RAB11FIP4: variants seen among roughly 807,000 people sequenced by gnomAD.
RAB11FIP4 encodes rab11 family-interacting protein 4.
In RAB11FIP4, 23 loss-of-function variants were observed where a neutral mutation model predicts 74.3. The ratio of observed to expected loss-of-function variants is 0.31; its 90% CI spans 0.22 to 0.44. RAB11FIP4 has a LOEUF of 0.44. RAB11FIP4 is among the 20% of genes least tolerant of loss of function. The pLI is 1.00. For synonymous variants in RAB11FIP4, 360 were observed against 359.9 expected (o/e 1.00, Z 0.00); for missense variants, 630 against 863.9 (o/e 0.73, Z 3.39).
chr17:31,455,055 T>C (rs2071566234), intron 3 of RAB11FIP4, among the ~76,000 whole-genome samples: 1 of 152,206 alleles, frequency 6.6e-6, no homozygotes, highest in African/African-American at 2.4e-5. Flanking sequence ...TACCCTTTTA[T>C]GTTATGTCTG....
chr17:31,479,561 A>G (rs1370432880), intron 3 of RAB11FIP4, among the ~76,000 whole-genome samples: 2 of 152,240 alleles, frequency 1.3e-5, no homozygotes, highest in Admixed American at 6.5e-5. Flanking sequence ...CAGGAGGCCA[A>G]TCCTGACAAT....
chr17:31,419,234 T>C (rs1251366742), intron 1 of RAB11FIP4, among the ~76,000 whole-genome samples: 1 of 152,004 alleles, frequency 6.6e-6, no homozygotes, highest in East Asian at 1.9e-4. Context: ...TTCTCTAAGA[T>C]AAGGAAGGAT....
At chr17:31,492,021 G>C (rs2072018966) in intron 3 of RAB11FIP4, among the ~76,000 whole-genome samples, 1 of 152,194 alleles carries the variant, frequency 6.6e-6, no homozygotes, top group Non-Finnish European at 1.5e-5. Flanking sequence ...CTGTGTCTCT[G>C]ACAGCTGCCT....
chr17:31,410,576 T>C (rs934761697), intron 1 of RAB11FIP4, among the ~76,000 whole-genome samples: 14 of 151,650 alleles, frequency 9.2e-5, no homozygotes, highest in Admixed American at 3.3e-4. Flanking sequence ...TGGCCAGGCA[T>C]GGTGGTGCGC....
At chr17:31,505,633 A>AATACATAATTATTATAATAT (rs2072329068) in intron 3 of RAB11FIP4, among the ~76,000 whole-genome samples, 51 of 70,780 alleles carry the variant, frequency 7.2e-4, no homozygotes, top group African/African-American at 2.1e-3. Flanking sequence ...ATAATTATAT[A>AATACATAATTATTATAATAT]ATAATAATTA....
chr17:31,429,109 T>C (rs960898193), intron 1 of RAB11FIP4, among the ~76,000 whole-genome samples: 1 of 152,036 alleles, frequency 6.6e-6, no homozygotes, highest in Non-Finnish European at 1.5e-5. Context: ...GGATTGTAGG[T>C]GTGAGCAAAA....
At chr17:31,434,385 G>A (rs1432601116) in intron 3 of RAB11FIP4, among the ~76,000 whole-genome samples, 1 of 152,192 alleles carries the variant, frequency 6.6e-6, no homozygotes, top group Non-Finnish European at 1.5e-5. Flanking sequence ...GTTCCAGACA[G>A]GGAAAGTGGC....
chr17:31,472,776 T>C (rs1478788752), intron 3 of RAB11FIP4, among the ~76,000 whole-genome samples: 2 of 151,092 alleles, frequency 1.3e-5, no homozygotes, highest in Non-Finnish European at 3.0e-5. Context: ...TTCATGCCCG[T>C]AATCCCAGTA....
At chr17:31,428,951 A>T (rs1567652413) in intron 1 of RAB11FIP4, among the ~76,000 whole-genome samples, 1 of 151,950 alleles carries the variant, frequency 6.6e-6, no homozygotes, top group Non-Finnish European at 1.5e-5. Context: ...CTTAAAAAAA[A>T]GTTGTTATTA....
intron 1 of RAB11FIP4, among the ~76,000 whole-genome samples, chr17:31,428,439 G>A (rs188459734): frequency 6.6e-6 from 1 of 152,270 alleles, no homozygotes; most frequent in African/African-American, 2.4e-5. Context: ...TGCTCTGCAG[G>A]CCCCGGGTGC....
rs1219159149 is a variant in RAB11FIP4 at position 31,534,543 on chromosome 17, A to C, written c.*2811A>C. 1.3e-5 allele frequency: 2 copies of C among 152,200 alleles called. No individual in the cohort carries two copies. The highest frequency in any genetic ancestry group is 2.9e-5 in the Non-Finnish European group (2 of 68,040). 9.4% of individuals were successfully genotyped at this position (152,200 alleles called of 1,614,324 possible). A position where few individuals can be genotyped will look rare whatever the true frequency, so the allele number is the denominator to read the frequency against. ...CTGCCAAAGCACTGGGATTACAGGC[A>C]TGAGCCACCATGCCTGGCCAGGACA... is the stretch of plus-strand genomic sequence containing the variant. On this transcript the variant is annotated 3_prime_UTR_variant, in exon 15 of 15. Transcript: ENST00000621161.
At chr17:31,413,787 C>T (rs1246057096) in intron 1 of RAB11FIP4, among the ~76,000 whole-genome samples, 1 of 152,162 alleles carries the variant, frequency 6.6e-6, no homozygotes, top group Non-Finnish European at 1.5e-5. Flanking sequence ...GTGATGGATT[C>T]TGTCTTATCT....
chr17:31,431,361 C>G (rs904524976), intron 1 of RAB11FIP4, among the ~76,000 whole-genome samples: 2 of 152,188 alleles, frequency 1.3e-5, no homozygotes, highest in African/African-American at 4.8e-5. Flanking sequence ...CAGAAAAGTT[C>G]ATCAGCCACC....
At chr17:31,505,584 A>G (rs1302265647) in intron 3 of RAB11FIP4, among the ~76,000 whole-genome samples, 1 of 79,564 alleles carries the variant, frequency 1.3e-5, no homozygotes, top group Non-Finnish European at 2.3e-5. Context: ...AATATATAAT[A>G]ATAATTATAT....
At chr17:31,436,504 A>G (rs1465754461) in intron 3 of RAB11FIP4, among the ~76,000 whole-genome samples, 3 of 152,174 alleles carry the variant, frequency 2.0e-5, no homozygotes, top group African/African-American at 4.8e-5. Flanking sequence ...TGGCCCCCAC[A>G]TTCTGCCATT....
chr17:31,512,442 C>A lies in RAB11FIP4; in HGVS notation c.337-5209C>A, dbSNP rs571040310. ...AGAGCTGAGCCCTCACCCAAGCCCA[C>A]CCCCAGGGGCCTCCTGGGGCTTCTG... On this transcript the variant is annotated intron_variant, in intron 3 of 14. Transcript: ENST00000621161. This position sits in a 1 kb window ranked among gnomAD's most constrained non-coding sequence, Gnocchi z 4.1. Among the ~76,000 whole-genome samples, 3 of 152,264 alleles carry A rather than the reference C, an allele frequency of 2.0e-5. No individual in the cohort carries two copies. The East Asian group carries it at 5.8e-4, about 29-fold the overall frequency.
chr17:31,502,253 T>A (rs2072236433), intron 3 of RAB11FIP4, among the ~76,000 whole-genome samples: 1 of 150,792 alleles, frequency 6.6e-6, no homozygotes, highest in Non-Finnish European at 1.5e-5. Context: ...AGTCAAACCA[T>A]TGTAAGTTGA....
rs558832881 is a variant in RAB11FIP4, at chr17:31,527,819, AT to A, written c.1275-20del. 1.4e-4 allele frequency: 224 copies of A among 1,580,840 alleles called. No individual in the cohort carries two copies. The African/African-American group carries it at 2.7e-3, about 19-fold the overall frequency. ...ATAGTCTACATTCCAGGTTTCTGAG[AT>A]TTGTCTTTCTCCTTTCGCCAGGGTG... On this transcript the variant is annotated intron_variant, in intron 10 of 14. Coordinates refer to ENST00000621161, the MANE Select transcript of RAB11FIP4 (RefSeq NM_032932.6).
chr17:31,451,819 C>T (rs2071530015), intron 3 of RAB11FIP4, among the ~76,000 whole-genome samples: 1 of 148,596 alleles, frequency 6.7e-6, no homozygotes, highest in Non-Finnish European at 1.5e-5. Context: ...TCAAGAAACT[C>T]CCTCCCCACC....
Sources: allele counts gnomAD v4.1 joint callset (sites outside exome capture counted in the v4.1 genomes callset), GRCh38; gene constraint gnomAD v4.1.1; non-coding constraint Gnocchi (gnomAD v3.1); transcripts MANE v1.5; gene names NCBI Gene and HGNC (gene_info 2026-07-23, HGNC 2026-07-21).